GFRAL: variants seen among roughly 807,000 people sequenced by gnomAD.
GFRAL encodes GDNF family receptor alpha-like.
A neutral mutation model predicts 45.4 loss-of-function variants in GFRAL; 36 were observed. That is an observed-to-expected ratio of 0.79 (90% CI 0.61 to 1.05). GFRAL has a LOEUF of 1.05. Ranked by LOEUF, GFRAL falls within the 50% of genes least tolerant of loss-of-function variation. The probability of loss-of-function intolerance (pLI) is 0.00; values close to 1 mark genes in which losing one functional copy is unlikely to be tolerated. For synonymous variants in GFRAL, 166 were observed against 154.1 expected (o/e 1.08, Z -0.57); for missense variants, 507 against 467.5 (o/e 1.08, Z -0.78).
intron 6 of GFRAL, among the ~76,000 whole-genome samples, chr6:55,370,412 T>C (rs781113771): frequency 4.6e-5 from 7 of 152,304 alleles, no homozygotes; most frequent in Non-Finnish European, 8.8e-5. Context: ...CCCTTTAGTA[T>C]CCTGAAATGA....
chr6:55,393,077 C>A (rs553573530), intron 6 of GFRAL, among the ~76,000 whole-genome samples: 1 of 152,230 alleles, frequency 6.6e-6, no homozygotes, highest in African/African-American at 2.4e-5. Context: ...GTGGTGTTCT[C>A]TTGCCTTCCA....
chr6:55,338,774 G>T (rs1470822482), intron 3 of GFRAL, among the ~76,000 whole-genome samples: 1 of 152,192 alleles, frequency 6.6e-6, no homozygotes. Flanking sequence ...CCCTTGTTAA[G>T]CTGGATACTA....
At chr6:55,399,485 C>T (rs1370039225) in intron 8 of GFRAL, 44 bp downstream of exon 8, 2 of 1,268,814 alleles carry the variant, frequency 1.6e-6, no homozygotes, top group Non-Finnish European at 2.3e-6. Context: ...AAGGGAGTCA[C>T]TTAGCTGTGT....
rs868398965 is a variant in GFRAL at position 55,351,555 on chromosome 6, C to T, written c.673C>T (p.Arg225Cys). The T allele has an allele frequency of 6.2e-7, 1 of 1,600,550 alleles. No homozygotes were observed. The highest frequency in any genetic ancestry group is 1.7e-5 in the Admixed American group (1 of 59,446). The change falls in exon 5 of 9, where the codon CGC becomes TGC. Residue 225 changes from arginine (R) to cysteine (C), a missense_variant. By Grantham distance (180) the Arg-to-Cys change is radical. Coordinates refer to ENST00000340465, the MANE Select transcript of GFRAL (RefSeq NM_207410.2). ...ACCCCCTACTTGCCTCAGTGTAATT[C>T]GCAGCTGCCAAAATGATGAATTATG... ...VPPPTCLSVI[R>C]SCQNDELCRR...
Position 55,331,939 on chromosome 6 carries a change from A to C in GFRAL, c.157+90A>C, listed in dbSNP as rs564598703. The stretch of plus-strand genomic sequence containing the variant: ...TATTTTGTCATTATCCTAAGAACTA[A>C]GTTTTTTTCTATGTATCTTATTTAA... On this transcript the variant is annotated intron_variant, in intron 2 of 8. Coordinates refer to ENST00000340465, the MANE Select transcript of GFRAL (RefSeq NM_207410.2). The C allele has an allele frequency of 4.1e-6, 5 of 1,228,356 alleles. No homozygotes were observed. In the South Asian group the frequency reaches 5.9e-5, roughly 14 times the overall value. The allele number at this position is 1,228,356 out of a possible 1,614,324, so 76.1% of individuals were successfully genotyped here.
At chr6:55,387,972 A>C (rs1768701309) in intron 6 of GFRAL, among the ~76,000 whole-genome samples, 1 of 152,164 alleles carries the variant, frequency 6.6e-6, no homozygotes, top group South Asian at 2.1e-4. Context: ...AAGAATGTAG[A>C]ATGGATGAAA....
At position 55,333,951 on chromosome 6, in the gene GFRAL, T is replaced by C. The variant is rs778638970; in HGVS notation, c.316+7T>C. ...AAATGTATCAATAAATCAGGTAATATTTTGTTTTAAGAAATGTTTATAGTC... is the reference window on the plus strand; with the variant it reads ...AAATGTATCAATAAATCAGGTAATACTTTGTTTTAAGAAATGTTTATAGTC... On this transcript the variant is annotated splice_region_variant and intron_variant, in intron 3 of 8. Transcript: ENST00000340465. 20 of 1,506,540 alleles carry C rather than the reference T, an allele frequency of 1.3e-5. No homozygotes were observed. The highest frequency in any genetic ancestry group is 1.8e-5 in the Non-Finnish European group (20 of 1,114,712). 93.3% of individuals were successfully genotyped at this position (1,506,540 alleles called of 1,614,324 possible). A position where few individuals can be genotyped will look rare whatever the true frequency, so the allele number is the denominator to read the frequency against.
chr6:55,390,303 T>C (rs1326704241), intron 6 of GFRAL, among the ~76,000 whole-genome samples: 1 of 152,248 alleles, frequency 6.6e-6, no homozygotes, highest in Non-Finnish European at 1.5e-5. Context: ...TGCTATGTTA[T>C]ACACTAACAT....
At chr6:55,335,294 T>C (rs1389496158) in intron 3 of GFRAL, among the ~76,000 whole-genome samples, 4 of 152,194 alleles carry the variant, frequency 2.6e-5, no homozygotes, top group African/African-American at 9.6e-5. Flanking sequence ...TTCTTCAAAG[T>C]TTTGTCCATT....
At chr6:55,362,369 T>A (rs1768287525) in intron 6 of GFRAL, among the ~76,000 whole-genome samples, 1 of 151,966 alleles carries the variant, frequency 6.6e-6, no homozygotes, top group African/African-American at 2.4e-5. Flanking sequence ...AACTTCATAG[T>A]TCTGTTCTGA....
intron 3 of GFRAL, among the ~76,000 whole-genome samples, chr6:55,336,630 T>C (rs1239409236): frequency 1.3e-5 from 2 of 152,188 alleles, no homozygotes; most frequent in Admixed American, 6.5e-5. Context: ...TATTTTTTTG[T>C]AGAATCTGCA....
chr6:55,383,485 A>T (rs141391510), intron 6 of GFRAL, among the ~76,000 whole-genome samples: 2,072 of 152,076 alleles, frequency 0.014, 44 homozygotes, highest in African/African-American at 0.046. Flanking sequence ...AGGTACACAA[A>T]TACCATTGTG....
intron 3 of GFRAL, among the ~76,000 whole-genome samples, chr6:55,336,289 T>C (rs901713197): frequency 6.6e-6 from 1 of 152,214 alleles, no homozygotes; most frequent in Non-Finnish European, 1.5e-5. Flanking sequence ...CTTGTCAATG[T>C]CTGCAAAGAA....
At chr6:55,338,172 A>C (rs1313759487) in intron 3 of GFRAL, among the ~76,000 whole-genome samples, 4 of 151,582 alleles carry the variant, frequency 2.6e-5, no homozygotes, top group African/African-American at 7.3e-5. Context: ...CTCACTGCAA[A>C]CTCCTTCTCC....
chr6:55,399,469 G>A (rs1455351693), intron 8 of GFRAL, 28 bp downstream of exon 8: 1 of 1,423,148 alleles, frequency 7.0e-7, no homozygotes, highest in Admixed American at 1.7e-5. Flanking sequence ...AGAAGGAAAG[G>A]TCTGAAAGGG....
At chr6:55,336,035 C>T (rs1767887124) in intron 3 of GFRAL, among the ~76,000 whole-genome samples, 1 of 152,140 alleles carries the variant, frequency 6.6e-6, no homozygotes, top group Admixed American at 6.5e-5. Flanking sequence ...GCCTCTACCT[C>T]CTGGGTTCAA....
At chr6:55,371,683 A>G (rs926116510) in intron 6 of GFRAL, among the ~76,000 whole-genome samples, 6 of 152,208 alleles carry the variant, frequency 3.9e-5, no homozygotes, top group South Asian at 2.1e-4. Context: ...ATTAAATGCT[A>G]CTATACATTT....
chr6:55,395,517 T>G (rs1370493134), intron 6 of GFRAL, among the ~76,000 whole-genome samples: 3 of 152,040 alleles, frequency 2.0e-5, no homozygotes, highest in Admixed American at 6.5e-5. Flanking sequence ...AAACTCATTC[T>G]AGATACAGGC....
At chr6:55,392,111 T>A (rs574286415) in intron 6 of GFRAL, among the ~76,000 whole-genome samples, 1 of 152,304 alleles carries the variant, frequency 6.6e-6, no homozygotes, top group African/African-American at 2.4e-5. Context: ...CCTACTTTCA[T>A]CCTTCCCTCA....
Sources: gnomAD v4.1 joint callset for allele counts (sites outside exome capture counted in the v4.1 genomes callset) on GRCh38, gnomAD v4.1.1 for gene constraint, MANE v1.5 for transcripts, NCBI Gene and HGNC (gene_info 2026-07-23, HGNC 2026-07-21) for gene names.